Variants in SIL1 observed in about 807,000 individuals in gnomAD.
SIL1 encodes the protein SIL1 nucleotide exchange factor.
Under a neutral mutation model 49.1 loss-of-function variants are expected in SIL1, and 40 were observed. The observed-to-expected ratio is 0.81, with a 90% CI of 0.63 to 1.06. The LOEUF (loss-of-function observed/expected upper bound fraction) is 1.06. Among genes scored for constraint, SIL1 ranks in the 50% least tolerant of loss-of-function variants. The pLI is 0.00. For missense variants in SIL1, 500 were observed against 572.6 expected (o/e 0.87, Z 1.29); for synonymous variants, 253 against 250.8 (o/e 1.01, Z -0.08).
chr5:139,139,962 C>T (rs1036325020), intron 1 of SIL1, among the ~76,000 whole-genome samples: 4 of 152,208 alleles, frequency 2.6e-5, no homozygotes, highest in African/African-American at 9.6e-5. Context: ...AACCTCATCT[C>T]TACTAAAAAA....
chr5:139,095,953 T>C (rs993463035), intron 3 of SIL1, among the ~76,000 whole-genome samples: 7 of 152,172 alleles, frequency 4.6e-5, no homozygotes, highest in African/African-American at 1.7e-4. Context: ...TTAACAACTA[T>C]CTGCACAAGA....
intron 3 of SIL1, among the ~76,000 whole-genome samples, chr5:139,112,119 T>C (rs529504635): frequency 1.3e-5 from 2 of 152,360 alleles, no homozygotes; most frequent in East Asian, 3.9e-4. Flanking sequence ...GGTGCCGGGA[T>C]TGCAGACGGA....
intron 1 of SIL1, among the ~76,000 whole-genome samples, chr5:139,135,041 GAAT>G (rs1750944502): frequency 6.6e-6 from 1 of 152,164 alleles, no homozygotes; most frequent in Non-Finnish European, 1.5e-5. Context: ...GAATTTTAAA[GAAT>G]AATTTGAAGG....
Position 139,128,048 on chromosome 5 carries a change from A to G in SIL1, c.-10-195T>C. On this transcript the variant is annotated intron_variant, in intron 1 of 9. Transcript: ENST00000394817. ...TGGGTCCAGCCATCCAACAAGAGAT[A>G]TGCCCTGGGTAGAACCATACAGTCG... The G allele has an allele frequency of 6.5e-6, 4 of 613,420 alleles. No individual in the cohort carries two copies. The Admixed American group carries it at 8.5e-5, about 13-fold the overall frequency. The allele number at this position is 613,420 out of a possible 1,614,324, so 38.0% of individuals were successfully genotyped here.
chr5:139,057,639 A>G (rs1188001738), intron 3 of SIL1, among the ~76,000 whole-genome samples: 1 of 152,138 alleles, frequency 6.6e-6, no homozygotes, highest in Non-Finnish European at 1.5e-5. Context: ...AACACCCCCT[A>G]TAGGAAAAGG....
At chr5:138,957,808 T>C (rs1766933546) in intron 7 of SIL1, among the ~76,000 whole-genome samples, 1 of 152,160 alleles carries the variant, frequency 6.6e-6, no homozygotes, top group Non-Finnish European at 1.5e-5. Context: ...AGTACAGTGA[T>C]CAAAATCAGG....
At chr5:138,957,129 A>G (rs1766920449) in intron 7 of SIL1, among the ~76,000 whole-genome samples, 1 of 151,962 alleles carries the variant, frequency 6.6e-6, no homozygotes, top group Non-Finnish European at 1.5e-5. Context: ...TCATCTGCCC[A>G]CCTCTGAGGA....
intron 3 of SIL1, among the ~76,000 whole-genome samples, chr5:139,116,969 C>G (rs1771004238): frequency 6.6e-6 from 1 of 152,192 alleles, no homozygotes; most frequent in Non-Finnish European, 1.5e-5. Flanking sequence ...GCAACCTGAG[C>G]AAGGCCACAC....
chr5:138,971,430 T>C (rs746012215), intron 7 of SIL1, among the ~76,000 whole-genome samples: 5 of 152,162 alleles, frequency 3.3e-5, no homozygotes, highest in Non-Finnish European at 7.3e-5. Context: ...CACAGGACTT[T>C]TTCTACTTCA....
intron 1 of SIL1, among the ~76,000 whole-genome samples, chr5:139,129,724 A>C (rs1330184393): frequency 6.6e-6 from 1 of 152,218 alleles, no homozygotes; most frequent in Non-Finnish European, 1.5e-5. Flanking sequence ...ATTTATAAAA[A>C]CTAACTAGAA....
chr5:139,179,421 G>A (rs1424028340), intron 1 of SIL1, among the ~76,000 whole-genome samples: 3 of 152,216 alleles, frequency 2.0e-5, no homozygotes, highest in Non-Finnish European at 4.4e-5. Context: ...CGCTCCTGAT[G>A]AGGCAGCTTC....
chr5:138,979,665 G>A (rs190845427), intron 7 of SIL1, among the ~76,000 whole-genome samples: 34 of 152,236 alleles, frequency 2.2e-4, no homozygotes, highest in Non-Finnish European at 4.0e-4. Context: ...CACCATACCC[G>A]GCTAATTCAT....
intron 1 of SIL1, among the ~76,000 whole-genome samples, chr5:139,156,900 C>T (rs866200839): frequency 6.6e-6 from 1 of 152,222 alleles, no homozygotes; most frequent in Admixed American, 6.5e-5. Flanking sequence ...ACAGCAGCCA[C>T]GTGAAACTAA....
At chr5:139,079,235 G>A (rs1249073645) in intron 3 of SIL1, among the ~76,000 whole-genome samples, 6 of 152,128 alleles carry the variant, frequency 3.9e-5, no homozygotes. Flanking sequence ...TGCAGCAAAG[G>A]CCCCTTTGGG....
chr5:138,979,432 C>T (rs912299711), intron 7 of SIL1, among the ~76,000 whole-genome samples: 1 of 152,162 alleles, frequency 6.6e-6, no homozygotes, highest in African/African-American at 2.4e-5. Context: ...AAAGAAACAC[C>T]TATCTGTCTT....
At chr5:139,139,762 G>A (rs1581128704) in intron 1 of SIL1, among the ~76,000 whole-genome samples, 1 of 152,326 alleles carries the variant, frequency 6.6e-6, no homozygotes, top group South Asian at 2.1e-4. Context: ...TGAGGCAGGT[G>A]GATCACATGA....
At chr5:139,146,937 G>C (rs1052505368) in intron 1 of SIL1, among the ~76,000 whole-genome samples, 1 of 152,130 alleles carries the variant, frequency 6.6e-6, no homozygotes, top group Non-Finnish European at 1.5e-5. Flanking sequence ...ACTATCATAA[G>C]ATCCACAAAA....
intron 3 of SIL1, among the ~76,000 whole-genome samples, chr5:139,076,504 G>A (rs987951379): frequency 7.2e-5 from 11 of 152,222 alleles, no homozygotes; most frequent in Middle Eastern, 6.8e-3. Flanking sequence ...CAAATATATA[G>A]ACCTTGGGAA....
chr5:139,150,007 A>G (rs1581135030), intron 1 of SIL1, among the ~76,000 whole-genome samples: 1 of 152,232 alleles, frequency 6.6e-6, no homozygotes, highest in Admixed American at 6.5e-5. Context: ...TGCAACTTGC[A>G]TAACACAGTC....
Sources: allele counts gnomAD v4.1 joint callset (sites outside exome capture counted in the v4.1 genomes callset), GRCh38; gene constraint gnomAD v4.1.1; transcripts MANE v1.5; gene names NCBI Gene and HGNC (gene_info 2026-07-23, HGNC 2026-07-21).